CSNK1D: variants seen among roughly 807,000 people sequenced by gnomAD.
CSNK1D encodes casein kinase 1 delta, also known as casein kinase I isoform delta.
Under a neutral mutation model 46.6 loss-of-function variants are expected in CSNK1D, and 16 were observed. The observed-to-expected ratio is 0.34, with a 90% confidence interval of 0.23 to 0.52. CSNK1D has a LOEUF of 0.52. Among genes scored for constraint, CSNK1D ranks in the 20% least tolerant of loss-of-function variants. The probability of loss-of-function intolerance (pLI) is 0.95; values close to 1 mark genes in which losing one functional copy is unlikely to be tolerated. For missense variants in CSNK1D, 398 were observed against 578.4 expected, an observed-to-expected ratio of 0.69 and a Z score of 3.20; for synonymous variants, 276 against 228.2, an observed-to-expected ratio of 1.21 and a Z score of -1.89.
Position 82,243,316 on chromosome 17 carries a change from A to G in CSNK1D, c.*1465T>C, listed in dbSNP as rs545876463. On this transcript the variant is annotated 3_prime_UTR_variant, in exon 9 of 9. Transcript: ENST00000314028. ...CTAGAGTCCAAAGGGAACATCGTCC[A>G]TCGTGATGGGGTCCAGCCGAAGTGC... is the stretch of plus-strand genomic sequence containing the variant. The G allele has an allele frequency of 2.9e-5, 29 of 985,422 alleles. No individual in the cohort carries two copies. Among genetic ancestry groups the G allele is most frequent in the Non-Finnish European group, 3.5e-5 (29 of 830,002 alleles). The allele number at this position is 985,422 out of a possible 1,614,324, so 61.0% of individuals were successfully genotyped here. A position where few individuals can be genotyped will look rare whatever the true frequency, so the allele number is the denominator to read the frequency against.
At position 82,244,358 on chromosome 17, in the gene CSNK1D, C is replaced by A; in HGVS notation, c.*423G>T. On this transcript the variant is annotated 3_prime_UTR_variant, in exon 9 of 9. Coordinates refer to ENST00000314028, the MANE Select transcript of CSNK1D (RefSeq NM_001893.6). ...AAACAGACAAGAAACAATAAAAAGACAGATTTTCTTTACACAGATTTAAGC... is the reference window on the plus strand; with the variant it reads ...AAACAGACAAGAAACAATAAAAAGAAAGATTTTCTTTACACAGATTTAAGC... 9.1e-7 allele frequency: 1 copy of A among 1,097,676 alleles called. No homozygotes were observed. The highest frequency in any genetic ancestry group is 1.6e-5 in the African/African-American group (1 of 61,020). 68.0% of individuals were successfully genotyped at this position (1,097,676 alleles called of 1,614,324 possible).
chr17:82,242,538 C>T, downstream of CSNK1D: 1 of 732,712 alleles, frequency 1.4e-6, no homozygotes, highest in Non-Finnish European at 1.7e-6. Flanking sequence ...GCTCTGCCAG[C>T]TCCCAGACAC....
rs534459012 is a variant in CSNK1D at position 82,252,271 on chromosome 17, G to C, written c.736+163C>G. Among the ~76,000 whole-genome samples the C allele has an allele frequency of 6.6e-6, 1 of 152,324 alleles. No individual in the cohort carries two copies. The highest frequency in any genetic ancestry group is 1.5e-5 in the Non-Finnish European group (1 of 68,028). ...GTAAGTCAAGATGAACAGGAGGGCA[G>C]GCTGTTACCTCCATACACAAAAGCG... On this transcript the variant is annotated intron_variant, in intron 5 of 8. Coordinates refer to ENST00000314028, the MANE Select transcript of CSNK1D (RefSeq NM_001893.6). This position sits in a 1 kb window ranked among gnomAD's most constrained non-coding sequence, Gnocchi z 4.6.
intron 8 of CSNK1D, chr17:82,245,207 C>A (rs1273554045): frequency 2.4e-6 from 1 of 422,958 alleles, no homozygotes; most frequent in African/African-American, 2.0e-5. Context: ...CAACACATTT[C>A]CAGAGTGTGC....
downstream of CSNK1D, chr17:82,239,914 C>T: frequency 1.9e-6 from 2 of 1,027,804 alleles, no homozygotes; most frequent in Admixed American, 4.3e-5. Flanking sequence ...TAACACCCAC[C>T]TGCCCTCGTG....
Position 82,244,399 on chromosome 17 carries a change from AAATGATACAAAAC to A in CSNK1D, c.*369_*381del, listed in dbSNP as rs1770237622. 1 of 1,161,358 alleles carries A rather than the reference AAATGATACAAAAC, an allele frequency of 8.6e-7. No homozygotes were observed. The highest frequency in any genetic ancestry group is 2.1e-5 in the South Asian group (1 of 46,594). 71.9% of individuals were successfully genotyped at this position (1,161,358 alleles called of 1,614,324 possible). A position where few individuals can be genotyped will look rare whatever the true frequency, so the allele number is the denominator to read the frequency against. On this transcript the variant is annotated 3_prime_UTR_variant, in exon 9 of 9. Transcript: ENST00000314028. ...AGATTTAAGCCAATAATTTTTAGCA[AAATGATACAAAAC>A]TGTCTTAACCAAGTAGAAGATTGGT...
intron 1 of CSNK1D, among the ~76,000 whole-genome samples, chr17:82,268,478 C>A (rs1267414694): frequency 6.6e-6 from 1 of 152,230 alleles, no homozygotes; most frequent in Admixed American, 6.5e-5. Flanking sequence ...TGGCATGCAA[C>A]AGGTTGAAAA....
At chr17:82,269,281 C>T (rs2051557688) in intron 1 of CSNK1D, among the ~76,000 whole-genome samples, 2 of 152,004 alleles carry the variant, frequency 1.3e-5, no homozygotes, top group African/African-American at 4.8e-5. Flanking sequence ...AAGGTCAACT[C>T]GCAGGGCAGC....
intron 1 of CSNK1D, among the ~76,000 whole-genome samples, chr17:82,270,060 G>A (rs1253423955): frequency 6.6e-6 from 1 of 152,258 alleles, no homozygotes; most frequent in Non-Finnish European, 1.5e-5. Flanking sequence ...GTGTGTGTGG[G>A]CTGTGTCACC....
Position 82,242,802 on chromosome 17 carries a change from C to CG in CSNK1D, c.*1978dup. 1.0e-6 allele frequency: 1 copy of CG among 985,494 alleles called. No individual in the cohort carries two copies. Among genetic ancestry groups the CG allele is most frequent in the South Asian group, 4.7e-5 (1 of 21,298 alleles). The allele number at this position is 985,494 out of a possible 1,614,324, so 61.0% of individuals were successfully genotyped here. A position where few individuals can be genotyped will look rare whatever the true frequency, so the allele number is the denominator to read the frequency against. The stretch of plus-strand genomic sequence containing the variant: ...CGACGTCCTACCTACGTCTCCTGCA[C>CG]GGGGCGACGGGGACTAGATACTGGG... On this transcript the variant is annotated 3_prime_UTR_variant, in exon 9 of 9. Coordinates refer to ENST00000314028, the MANE Select transcript of CSNK1D (RefSeq NM_001893.6).
chr17:82,260,337 T>C (rs897189668), intron 2 of CSNK1D, among the ~76,000 whole-genome samples: 8 of 139,066 alleles, frequency 5.8e-5, no homozygotes, highest in African/African-American at 1.5e-4. Flanking sequence ...TGACTGATGG[T>C]GTACTGACTG....
At chr17:82,272,793 C>A (rs538341705) in intron 1 of CSNK1D, among the ~76,000 whole-genome samples, 4 of 152,232 alleles carry the variant, frequency 2.6e-5, no homozygotes, top group Non-Finnish European at 1.5e-5. Flanking sequence ...CCGGACCGGG[C>A]TGCGGAAGAA....
rs768826487 is a variant in CSNK1D at position 82,251,364 on chromosome 17, G to A, written c.885+15C>T. 8 of 1,613,876 alleles carry A rather than the reference G, an allele frequency of 5.0e-6. No homozygotes were observed. The South Asian group carries it at 5.5e-5, about 11-fold the overall frequency. ...GCACACCACACTCAGCGAACGTGCT[G>A]GCAGTGCGACTTACAAATTTGAGCA... On this transcript the variant is annotated intron_variant, in intron 6 of 8. Coordinates refer to ENST00000314028, the MANE Select transcript of CSNK1D (RefSeq NM_001893.6). This position sits in a 1 kb window ranked among gnomAD's most constrained non-coding sequence, Gnocchi z 4.5.
Position 82,244,277 on chromosome 17 carries a change from T to C in CSNK1D, c.*504A>G, listed in dbSNP as rs1294442974. On this transcript the variant is annotated 3_prime_UTR_variant, in exon 9 of 9. Coordinates refer to ENST00000314028, the MANE Select transcript of CSNK1D (RefSeq NM_001893.6). ...GCCCGACTCCACCTCATACACTAAC[T>C]CCAAGCCAGCCTGTCTCAGAATTCC... The C allele has an allele frequency of 6.6e-5, 73 of 1,109,386 alleles. No individual in the cohort carries two copies. Among genetic ancestry groups the C allele is most frequent in the Non-Finnish European group, 7.8e-5 (70 of 901,720 alleles). 68.7% of individuals were successfully genotyped at this position (1,109,386 alleles called of 1,614,324 possible).
chr17:82,251,651 C>T lies in CSNK1D; in HGVS notation c.737-124G>A. 2.0e-6 allele frequency: 2 copies of T among 978,748 alleles called. No homozygotes were observed. The highest frequency in any genetic ancestry group is 1.6e-6 in the Non-Finnish European group (1 of 626,566). The allele number at this position is 978,748 out of a possible 1,614,324, so 60.6% of individuals were successfully genotyped here. ...AGGGGAGAAGGACAGATGCAAAACA[C>T]CTGTCAGATTTCTAAGACCTGAAGC... On this transcript the variant is annotated intron_variant, in intron 5 of 8. Coordinates refer to ENST00000314028, the MANE Select transcript of CSNK1D (RefSeq NM_001893.6). This position sits in a 1 kb window ranked among gnomAD's most constrained non-coding sequence, Gnocchi z 4.5.
Position 82,265,790 on chromosome 17 carries a change from T to C in CSNK1D, c.83A>G (p.Asp28Gly), listed in dbSNP as rs1263225160. 6.2e-7 allele frequency: 1 copy of C among 1,613,874 alleles called. No homozygotes were observed. Among genetic ancestry groups the C allele is most frequent in the Non-Finnish European group, 8.5e-7 (1 of 1,179,738 alleles). Reference sequence around the variant, plus strand: ...GGCAACCTCTTCTCCTGCAGCAATGTCCGTACCTTGGCAAAGAAAGAAAAC... The same window carrying C: ...GGCAACCTCTTCTCCTGCAGCAATGCCCGTACCTTGGCAAAGAAAGAAAAC... ...GSFGDIYLGT[D>G]IAAGEEVAIK... The change falls in exon 2 of 9, where the codon GAC becomes GGC. Residue 28 changes from aspartate to glycine, a missense_variant. Asp to Gly is a moderately conservative substitution (Grantham distance 94). This residue lies in a region of CSNK1D where 217 missense variants were observed against 370.3 expected (regional missense o/e 0.59). Coordinates refer to ENST00000314028, the MANE Select transcript of CSNK1D (RefSeq NM_001893.6).
Position 82,273,460 on chromosome 17 carries a change from CGCTACT to C in CSNK1D, c.-85_-80del. 1 of 1,558,226 alleles carries C rather than the reference CGCTACT, an allele frequency of 6.4e-7. No homozygotes were observed. Among genetic ancestry groups the C allele is most frequent in the East Asian group, 2.3e-5 (1 of 42,632 alleles). ...CTCTGGGAGGCGGCGCCGCTGCTGC[CGCTACT>C]GCGGGTCCGGCTCCCGGCTCCGCCC... On this transcript the variant is annotated 5_prime_UTR_variant, in exon 1 of 9. Coordinates refer to ENST00000314028, the MANE Select transcript of CSNK1D (RefSeq NM_001893.6). The surrounding 1 kb of genome is among the most constrained non-coding windows in gnomAD (Gnocchi z 5.1).
At chr17:82,247,803 A>G (rs2050889041) in intron 8 of CSNK1D, 2 of 985,348 alleles carry the variant, frequency 2.0e-6, no homozygotes, top group South Asian at 4.7e-5. Flanking sequence ...ATAACCACGA[A>G]GCCAAAATCC....
downstream of CSNK1D, among the ~76,000 whole-genome samples, chr17:82,240,328 CAGGGAGCAGACGAGGAGGT>C (rs1215527314): frequency 1.3e-5 from 2 of 152,000 alleles, no homozygotes; most frequent in Non-Finnish European, 2.9e-5. Context: ...GACGAGGAGG[CAGGGAGCAGACGAGGAGGT>C]GGGGAGCAGG....
Sources: gnomAD v4.1 joint callset for allele counts (sites outside exome capture counted in the v4.1 genomes callset) on GRCh38, gnomAD v4.1.1 for gene constraint, gnomAD v4.1.1 regional missense constraint, Gnocchi (gnomAD v3.1) non-coding constraint, MANE v1.5 for transcripts, NCBI Gene and HGNC (gene_info 2026-07-23, HGNC 2026-07-21) for gene names.